The following NCOA1 variants were observed in gnomAD, a reference collection of about 807,000 sequenced individuals.
NCOA1 encodes Hin-2 protein.
NCOA1 carries 35 observed loss-of-function variants against 150.9 expected under a neutral mutation model. The ratio of observed to expected loss-of-function variants is 0.23; its 90% CI spans 0.18 to 0.31. The LOEUF (loss-of-function observed/expected upper bound fraction) is 0.31. NCOA1 is among the 10% of genes least tolerant of loss of function. The pLI is 1.00. For synonymous variants in NCOA1, 590 were observed against 630.0 expected, an observed-to-expected ratio of 0.94 and a Z score of 0.95; for missense variants, 1,491 against 1,749.3, an observed-to-expected ratio of 0.85 and a Z score of 2.63.
At chr2:24,671,492 TTAAAA>T (rs1036474033) in intron 6 of NCOA1, among the ~76,000 whole-genome samples, 19 of 152,264 alleles carry the variant, frequency 1.2e-4, no homozygotes, top group South Asian at 8.3e-4. Flanking sequence ...TCCCTGTCTC[TTAAAA>T]TAAAATAAAA....
intron 3 of NCOA1, among the ~76,000 whole-genome samples, chr2:24,606,408 T>C (rs1011512117): frequency 5.3e-5 from 8 of 152,030 alleles, no homozygotes; most frequent in African/African-American, 1.9e-4. Context: ...AGCTAATTTT[T>C]GTATTTTTAG....
chr2:24,661,882 G>C (rs750905464), intron 5 of NCOA1, among the ~76,000 whole-genome samples: 14 of 152,116 alleles, frequency 9.2e-5, no homozygotes, highest in Non-Finnish European at 1.9e-4. Context: ...ATCTGTAGAT[G>C]CTCTGATGTT....
At chr2:24,672,987 C>G (rs1296215544) in intron 6 of NCOA1, among the ~76,000 whole-genome samples, 1 of 152,136 alleles carries the variant, frequency 6.6e-6, no homozygotes, top group Non-Finnish European at 1.5e-5. Context: ...GGCACTTGAT[C>G]AAATCAGAAA....
chr2:24,736,059 T>C (rs1330204630), intron 17 of NCOA1, among the ~76,000 whole-genome samples: 1 of 151,666 alleles, frequency 6.6e-6, no homozygotes, highest in Non-Finnish European at 1.5e-5. Flanking sequence ...CTGTCTCTAC[T>C]AAAAATATAA....
intron 1 of NCOA1, among the ~76,000 whole-genome samples, 87 bp downstream of exon 1, chr2:24,491,689 G>A (rs1156533658): frequency 6.6e-6 from 1 of 150,984 alleles, no homozygotes; most frequent in Admixed American, 6.6e-5. Flanking sequence ...GGGGCGGGGA[G>A]CAGCTGGCGC....
intron 17 of NCOA1, among the ~76,000 whole-genome samples, chr2:24,730,310 T>C (rs1662938731): frequency 6.6e-6 from 1 of 152,196 alleles, no homozygotes; most frequent in Non-Finnish European, 1.5e-5. Flanking sequence ...ATTAAAGACC[T>C]TTCATTCAAT....
intron 3 of NCOA1, among the ~76,000 whole-genome samples, chr2:24,617,299 T>C (rs886583899): frequency 6.6e-6 from 1 of 152,166 alleles, no homozygotes; most frequent in African/African-American, 2.4e-5. Context: ...GTTGTGATTG[T>C]TTTGGCAGGT....
intron 11 of NCOA1, among the ~76,000 whole-genome samples, chr2:24,702,398 C>G (rs1032627354): frequency 6.6e-6 from 1 of 152,096 alleles, no homozygotes; most frequent in Non-Finnish European, 1.5e-5. Context: ...CCGGCATTGA[C>G]CCATAGTACC....
chr2:24,602,730 G>A (rs917004016), intron 3 of NCOA1, among the ~76,000 whole-genome samples: 1 of 151,920 alleles, frequency 6.6e-6, no homozygotes, highest in Admixed American at 6.6e-5. Flanking sequence ...ATAAAAATTT[G>A]TTATCCTCCA....
chr2:24,628,497 T>C (rs1179838642), intron 3 of NCOA1, among the ~76,000 whole-genome samples: 1 of 152,184 alleles, frequency 6.6e-6, no homozygotes, highest in East Asian at 1.9e-4. Flanking sequence ...TTTTTTAATG[T>C]TGTGTATCTA....
Position 24,758,046 on chromosome 2 carries a change from G to A in NCOA1, c.3955G>A (p.Val1319Ile), listed in dbSNP as rs1035559828. 8.1e-6 allele frequency: 13 copies of A among 1,613,994 alleles called. No individual in the cohort carries two copies. Among genetic ancestry groups the A allele is most frequent in the Non-Finnish European group, 1.1e-5 (13 of 1,180,026 alleles). ...PGVYNNMSIT[V>I]SMAGGNTNVQ... The stretch of plus-strand genomic sequence containing the variant: ...AGTATACAACAACATGAGCATCACC[G>A]TTTCCATGGCAGGTGGAAATACGAA... The change falls in exon 21 of 23, where the codon GTT (valine) becomes ATT (isoleucine). Residue 1319 changes from valine to isoleucine, a missense_variant. Transcript: ENST00000348332.
At chr2:24,610,342 C>T (rs535193461) in intron 3 of NCOA1, among the ~76,000 whole-genome samples, 8 of 151,610 alleles carry the variant, frequency 5.3e-5, no homozygotes, top group Non-Finnish European at 8.8e-5. Flanking sequence ...AGGGTTTTAC[C>T]GTGTTAGCCA....
chr2:24,492,505 T>G (rs1572340790), intron 1 of NCOA1, among the ~76,000 whole-genome samples: 1 of 152,078 alleles, frequency 6.6e-6, no homozygotes, highest in Admixed American at 6.6e-5. Flanking sequence ...GACGGAGGGG[T>G]TGACAATACA....
intron 1 of NCOA1, among the ~76,000 whole-genome samples, chr2:24,523,377 CG>C (rs1664501923): frequency 6.7e-6 from 1 of 149,970 alleles, no homozygotes; most frequent in African/African-American, 2.5e-5. Flanking sequence ...GAGGCCGAGG[CG>C]AGTGGATCAC....
intron 8 of NCOA1, among the ~76,000 whole-genome samples, chr2:24,691,245 G>A (rs1003518484): frequency 5.3e-5 from 8 of 152,078 alleles, no homozygotes; most frequent in Non-Finnish European, 1.0e-4. Flanking sequence ...GTATTTGAGG[G>A]GAAGATCATA....
chr2:24,636,608 G>T, intron 3 of NCOA1, among the ~76,000 whole-genome samples: 1 of 151,786 alleles, frequency 6.6e-6, no homozygotes, highest in African/African-American at 2.4e-5. Flanking sequence ...TCTCTTTCTG[G>T]CCTTTTTGCC....
Position 24,726,721 on chromosome 2 carries a change from T to A in NCOA1, c.2717+15T>A. The A allele has an allele frequency of 6.5e-7, 1 of 1,529,496 alleles. No homozygotes were observed. Among genetic ancestry groups the A allele is most frequent in the Non-Finnish European group, 8.9e-7 (1 of 1,117,454 alleles). The allele number at this position is 1,529,496 out of a possible 1,614,324, so 94.7% of individuals were successfully genotyped here. ...AAATCAGAAGAGTAAGTAATACATT[T>A]TGTATTTTATAAGGTATCAGATACC... On this transcript the variant is annotated intron_variant, in intron 15 of 22. Coordinates refer to ENST00000348332, the MANE Select transcript of NCOA1 (RefSeq NM_003743.5).
At chr2:24,675,591 A>G (rs1161242037) in intron 7 of NCOA1, among the ~76,000 whole-genome samples, 1 of 152,220 alleles carries the variant, frequency 6.6e-6, no homozygotes, top group Non-Finnish European at 1.5e-5. Context: ...CGTAGTTAAA[A>G]ACAAATAAAC....
At chr2:24,629,670 A>G (rs1669599214) in intron 3 of NCOA1, among the ~76,000 whole-genome samples, 1 of 150,776 alleles carries the variant, frequency 6.6e-6, no homozygotes, top group South Asian at 2.1e-4. Flanking sequence ...ACTAAGGGAA[A>G]ACATGATGCC....
Sources: gnomAD v4.1 joint callset for allele counts (sites outside exome capture counted in the v4.1 genomes callset) on GRCh38, gnomAD v4.1.1 for gene constraint, MANE v1.5 for transcripts, NCBI Gene and HGNC (gene_info 2026-07-23, HGNC 2026-07-21) for gene names.